The following MON1B variants were observed in gnomAD, a reference collection of about 807,000 sequenced individuals.
The protein encoded by MON1B is MON1 vesicular trafficking associated B, also known as vacuolar fusion protein MON1 homolog B.
A neutral mutation model predicts 45.1 loss-of-function variants in MON1B; 26 were observed. The observed-to-expected ratio is 0.58, with a 90% confidence interval of 0.42 to 0.80. The LOEUF is 0.80. MON1B is among the 30% of genes least tolerant of loss of function. The pLI, the probability that MON1B is intolerant of heterozygous loss-of-function variation, is 0.00. For synonymous variants in MON1B, 395 were observed against 320.2 expected, an observed-to-expected ratio of 1.23 and a Z score of -2.49; for missense variants, 737 against 754.5, an observed-to-expected ratio of 0.98 and a Z score of 0.27.
rs201632539 is a variant in MON1B at position 77,194,600 on chromosome 16, C to T, written c.741C>T (p.Ala247=). The T allele has an allele frequency of 2.1e-5, 34 of 1,613,832 alleles. No individual in the cohort carries two copies. The highest frequency in any genetic ancestry group is 1.6e-4 in the African/African-American group (12 of 75,056). The stretch of plus-strand genomic sequence containing the variant: ...ACCCAGGAGCCCTGCTCCTGGGTGC[C>T]GTGCGCTGTGTGCCCCTTGCCCGCC... The part of the protein sequence containing the change: ...EQDPGALLLG[A]VRCVPLARPL... Residue 247 remains alanine, a synonymous_variant, in exon 4 of 6, where the codon GCC becomes GCT. Coordinates refer to ENST00000248248, the MANE Select transcript of MON1B (RefSeq NM_014940.4). This position sits in a 1 kb window ranked among gnomAD's most constrained non-coding sequence, Gnocchi z 8.1.
At position 77,193,379 on chromosome 16, in the gene MON1B, T is replaced by G; in HGVS notation, c.149-72T>G. ...GGTCATGGAGGGGCTAGTAGATATT[T>G]GGTGGGTCCTTGGGGATGTGGGATT... On this transcript the variant is annotated intron_variant, in intron 2 of 5. Transcript: ENST00000248248. The surrounding 1 kb of genome is among the most constrained non-coding windows in gnomAD (Gnocchi z 5.0). The G allele has an allele frequency of 7.1e-7, 1 of 1,416,110 alleles. No individual in the cohort carries two copies. The allele number at this position is 1,416,110 out of a possible 1,614,324, so 87.7% of individuals were successfully genotyped here.
Position 77,200,761 on chromosome 16 carries a change from A to AG in MON1B, c.*2453_*2454insG, listed in dbSNP as rs2054732224. On this transcript the variant is annotated 3_prime_UTR_variant, in exon 6 of 6. Coordinates refer to ENST00000248248, the MANE Select transcript of MON1B (RefSeq NM_014940.4). ...ACAGAGTGAGCAAAAAAAAAAAAAA[A>AG]AAAAGAAAAAACAAAAAGAAAAAAA... 9.6e-6 allele frequency: 1 copy of AG among 104,488 alleles called. No individual in the cohort carries two copies. The highest frequency in any genetic ancestry group is 2.5e-5 in the Non-Finnish European group (1 of 39,654). The allele number at this position is 104,488 out of a possible 1,614,324, so 6.5% of individuals were successfully genotyped here.
In MON1B at chr16:77,191,469, C is replaced by A. The variant is rs754469797; in HGVS notation, c.-10-7C>A. ...CGCCCGTCACCCTCGATTCCCCTCC[C>A]ACTCAGGGATGTGCAGATGGAGGTC... On this transcript the variant is annotated splice_polypyrimidine_tract_variant and splice_region_variant and intron_variant, in intron 1 of 5. Coordinates refer to ENST00000248248, the MANE Select transcript of MON1B (RefSeq NM_014940.4). 2 of 1,587,994 alleles carry A rather than the reference C, an allele frequency of 1.3e-6. No individual in the cohort carries two copies. Among genetic ancestry groups the A allele is most frequent in the Non-Finnish European group, 1.7e-6 (2 of 1,169,634 alleles).
chr16:77,191,715 A>G, intron 2 of MON1B, 82 bp downstream of exon 2: 1 of 1,468,520 alleles, frequency 6.8e-7, no homozygotes, highest in Non-Finnish European at 9.2e-7. Context: ...GTGGGTGACC[A>G]GTAGGGAGTC....
In MON1B at chr16:77,193,707, C is replaced by T. The variant is rs1356731475; in HGVS notation, c.405C>T (p.Thr135=). 6.2e-7 allele frequency: 1 copy of T among 1,614,050 alleles called. No individual in the cohort carries two copies. ...RYGSVEALSA[T]MGVMTALVSF... ...GTAGTGTGGAGGCGCTGTCGGCTACCATGGGTGTAATGACCGCCCTGGTGT... is the reference window on the plus strand; with the variant it reads ...GTAGTGTGGAGGCGCTGTCGGCTACTATGGGTGTAATGACCGCCCTGGTGT... The change falls in exon 3 of 6, where the codon ACC becomes ACT. Residue 135 remains threonine (T), a synonymous_variant. Coordinates refer to ENST00000248248, the MANE Select transcript of MON1B (RefSeq NM_014940.4). The surrounding 1 kb of genome is among the most constrained non-coding windows in gnomAD (Gnocchi z 5.0).
chr16:77,198,226 T>C lies in MON1B; in HGVS notation c.1562T>C (p.Ile521Thr). 1.2e-6 allele frequency: 2 copies of C among 1,614,154 alleles called. No homozygotes were observed. Among genetic ancestry groups the C allele is most frequent in the Non-Finnish European group, 1.7e-6 (2 of 1,180,020 alleles). Residue 521 changes from isoleucine to threonine, a missense_variant, in exon 6 of 6, where the codon ATT becomes ACT. Transcript: ENST00000248248. Reference sequence around the variant, plus strand: ...AAGAAAGAGGAGGACCGGCTCTTCATTCGTTACCCACCCAAGTACTCCACA... The same window carrying C: ...AAGAAAGAGGAGGACCGGCTCTTCACTCGTTACCCACCCAAGTACTCCACA... Reference protein sequence around the residue: ...WVKKEEDRLFIRYPPKYSTPP... With the variant: ...WVKKEEDRLFTRYPPKYSTPP...
chr16:77,191,419 A>G, intron 1 of MON1B, 57 bp from the exon 2 acceptor site: 1 of 1,575,780 alleles, frequency 6.3e-7, no homozygotes, highest in Non-Finnish European at 8.6e-7. Flanking sequence ...TGACTCTATA[A>G]AGGCTTTTCA....
At chr16:77,192,126 G>A (rs1229041578) in intron 2 of MON1B, among the ~76,000 whole-genome samples, 1 of 152,184 alleles carries the variant, frequency 6.6e-6, no homozygotes, top group Admixed American at 6.5e-5. Context: ...GGGACCAAAT[G>A]TTAGTGGATG....
intron 2 of MON1B, among the ~76,000 whole-genome samples, chr16:77,192,804 T>A (rs567004477): frequency 6.6e-6 from 1 of 151,950 alleles, no homozygotes; most frequent in South Asian, 2.1e-4. Context: ...GTCATTGGGG[T>A]GTTTGTGAAC....
At chr16:77,192,260 T>C (rs2054622318) in intron 2 of MON1B, among the ~76,000 whole-genome samples, 1 of 152,120 alleles carries the variant, frequency 6.6e-6, no homozygotes, top group Non-Finnish European at 1.5e-5. Context: ...TGAGAATAAA[T>C]GTGGATGGGG....
chr16:77,195,275 AC>A, intron 4 of MON1B, 121 bp downstream of exon 4: 4 of 1,119,488 alleles, frequency 3.6e-6, no homozygotes, highest in Non-Finnish European at 4.9e-6. Context: ...AGGGAAGAGA[AC>A]AAGTCTCTGT....
At chr16:77,191,912 G>A (rs1199911542) in intron 2 of MON1B, among the ~76,000 whole-genome samples, 1 of 152,168 alleles carries the variant, frequency 6.6e-6, no homozygotes, top group East Asian at 1.9e-4. Flanking sequence ...GGTCACTGAG[G>A]ATTTAGAGTG....
rs1160857299 is a variant in MON1B, at chr16:77,191,196, G to T, written c.-73G>T. 3 of 1,535,920 alleles carry T rather than the reference G, an allele frequency of 2.0e-6. No homozygotes were observed. ...CCTCCCGGGCCGCACCCGGAAGTGT[G>T]ATGCCACCGCCGCTACGGGGAAGTA... is the stretch of plus-strand genomic sequence containing the variant. On this transcript the variant is annotated 5_prime_UTR_variant, in exon 1 of 6. Transcript: ENST00000248248.
At chr16:77,195,763 T>C (rs2142500595) in intron 5 of MON1B, 81 bp downstream of exon 5, 2 of 1,532,818 alleles carry the variant, frequency 1.3e-6, no homozygotes, top group Non-Finnish European at 1.8e-6. Context: ...CCAGCCACAG[T>C]GCCTCCACCA....
Position 77,199,432 on chromosome 16 carries a change from C to G in MON1B, c.*1124C>G. On this transcript the variant is annotated 3_prime_UTR_variant, in exon 6 of 6. Coordinates refer to ENST00000248248, the MANE Select transcript of MON1B (RefSeq NM_014940.4). Reference sequence around the variant, plus strand: ...AACCAGTCATCAAGCGAGGCTCGCGCGCAGGCCCCGCGTTGGAAAATGGCG... The same window carrying G: ...AACCAGTCATCAAGCGAGGCTCGCGGGCAGGCCCCGCGTTGGAAAATGGCG... 1.3e-6 allele frequency: 2 copies of G among 1,551,264 alleles called. No homozygotes were observed. The highest frequency in any genetic ancestry group is 1.2e-5 in the South Asian group (1 of 84,040).
At position 77,191,576 on chromosome 16, in the gene MON1B, G is replaced by A. The variant is rs757855517; in HGVS notation, c.91G>A (p.Gly31Ser). ...TQFPSEEARE[G>S]GGVHAVPPDP... ...GTTCCCCAGTGAGGAAGCTAGAGAA[G>A]GTGGAGGGGTTCACGCGGTCCCGCC... Residue 31 changes from glycine (G) to serine (S), a missense_variant, in exon 2 of 6, where the codon GGT becomes AGT. Coordinates refer to ENST00000248248, the MANE Select transcript of MON1B (RefSeq NM_014940.4). 1.9e-6 allele frequency: 3 copies of A among 1,609,742 alleles called. No individual in the cohort carries two copies. The African/African-American group carries it at 4.0e-5, about 22-fold the overall frequency.
At position 77,194,289 on chromosome 16, in the gene MON1B, T is replaced by C. The variant is rs1314247413; in HGVS notation, c.476-46T>C. 1 of 1,527,480 alleles carries C rather than the reference T, an allele frequency of 6.5e-7. No individual in the cohort carries two copies. Among genetic ancestry groups the C allele is most frequent in the African/African-American group, 1.4e-5 (1 of 73,404 alleles). The allele number at this position is 1,527,480 out of a possible 1,614,324, so 94.6% of individuals were successfully genotyped here. A position where few individuals can be genotyped will look rare whatever the true frequency, so the allele number is the denominator to read the frequency against. On this transcript the variant is annotated intron_variant, in intron 3 of 5. Transcript: ENST00000248248. This position sits in a 1 kb window ranked among gnomAD's most constrained non-coding sequence, Gnocchi z 8.1. ...GAGCCCCACTGTCTCCCTCTGGTCA[T>C]TCCTGATCCAGCTGTACCCCCCCTT... is the stretch of plus-strand genomic sequence containing the variant.
chr16:77,199,523 C>G lies in MON1B; in HGVS notation c.*1215C>G, dbSNP rs1398320575. On this transcript the variant is annotated 3_prime_UTR_variant, in exon 6 of 6. Coordinates refer to ENST00000248248, the MANE Select transcript of MON1B (RefSeq NM_014940.4). ...CTGAGGAGGCTGAAGGTAGTGAGGG[C>G]AAGTGGGCTGCACTCCTTTCTCTCC... The G allele has an allele frequency of 4.5e-6, 7 of 1,549,248 alleles. No individual in the cohort carries two copies. Among genetic ancestry groups the G allele is most frequent in the Non-Finnish European group, 6.1e-6 (7 of 1,145,142 alleles).
chr16:77,199,104 T>G lies in MON1B; in HGVS notation c.*796T>G. On this transcript the variant is annotated 3_prime_UTR_variant, in exon 6 of 6. Transcript: ENST00000248248. ...ACTCGAACTATTGTGTACCACCACA[T>G]AGCACATGCACGTCTGTCCCAGACT... 3.6e-6 allele frequency: 1 copy of G among 276,714 alleles called. No individual in the cohort carries two copies. The highest frequency in any genetic ancestry group is 6.8e-6 in the Non-Finnish European group (1 of 147,850). 17.1% of individuals were successfully genotyped at this position (276,714 alleles called of 1,614,324 possible).
Sources: allele counts gnomAD v4.1 joint callset (sites outside exome capture counted in the v4.1 genomes callset), GRCh38; gene constraint gnomAD v4.1.1; non-coding constraint Gnocchi (gnomAD v3.1); transcripts MANE v1.5; gene names NCBI Gene and HGNC (gene_info 2026-07-23, HGNC 2026-07-21).